ZNF331: variants seen among roughly 807,000 people sequenced by gnomAD.
ZNF331 encodes the protein C2H2-like zinc finger protein rearranged in thyroid adenomas.
A neutral mutation model predicts 7.0 loss-of-function variants in ZNF331; 2 were observed. That is an observed-to-expected ratio of 0.29 (90% confidence interval 0.12 to 0.90). The LOEUF is 0.90. Among genes scored for constraint, ZNF331 ranks in the 40% least tolerant of loss-of-function variants. The pLI is 0.58. For missense variants in ZNF331, 432 were observed against 587.7 expected (o/e 0.74, Z 2.74); for synonymous variants, 196 against 205.4 (o/e 0.95, Z 0.39).
chr19:53,520,019 C>T (rs1251831117), upstream of ZNF331, among the ~76,000 whole-genome samples: 2 of 151,932 alleles, frequency 1.3e-5, no homozygotes, highest in Admixed American at 6.6e-5. Context: ...TCCCAAATCA[C>T]AGCTTTTAAG....
At chr19:53,568,849 C>CT (rs537822108) in intron 3 of ZNF331, among the ~76,000 whole-genome samples, 1,292 of 76,898 alleles carry the variant, frequency 0.017, 26 homozygotes, top group African/African-American at 0.037. Flanking sequence ...CCATGATACT[C>CT]TTTTTTTTTT....
chr19:53,574,588 A>G (rs1266023808), intron 5 of ZNF331, among the ~76,000 whole-genome samples: 1 of 152,086 alleles, frequency 6.6e-6, no homozygotes, highest in Non-Finnish European at 1.5e-5. Context: ...ATCATTCCTG[A>G]AAGTGGGTTA....
At chr19:53,508,652 A>AAAT in the ZNF331 span, among the ~76,000 whole-genome samples, 9 of 152,086 alleles carry the variant, frequency 5.9e-5, no homozygotes, top group African/African-American at 2.2e-4. Context: ...TCTATTTCCA[A>AAAT]AATATGAGAT....
In ZNF331 at chr19:53,577,150, G is replaced by T; in HGVS notation, c.590G>T (p.Arg197Leu). The T allele has an allele frequency of 6.2e-7, 1 of 1,610,602 alleles. No individual in the cohort carries two copies. Residue 197 changes from arginine (R) to leucine (L), a missense_variant, in exon 6 of 6, where the codon CGA becomes CTA. Physicochemically the swap from Arg to Leu is moderately radical, Grantham distance 102. Around this residue, in one of 3 missense-constraint regions of ZNF331, gnomAD observed 312 missense variants for 448.6 expected, o/e 0.70. Transcript: ENST00000449416. The part of the protein sequence containing the change: ...YECKDCGKAF[R>L]WGSSLVIHKR... ...TGTAAAGACTGTGGGAAGGCTTTTC[G>T]ATGGGGCTCAAGCCTCGTTATTCAT...
At chr19:53,550,651 C>T (rs1337591127) in intron 2 of ZNF331, among the ~76,000 whole-genome samples, 3 of 148,998 alleles carry the variant, frequency 2.0e-5, no homozygotes, top group Non-Finnish European at 4.4e-5. Flanking sequence ...ATTCTCCTGC[C>T]TCAGCCTCCC....
rs2090782748 is a variant in ZNF331, at chr19:53,577,686, A to G, written c.1126A>G (p.Ile376Val). The change falls in exon 6 of 6, where the codon ATC becomes GTC. Residue 376 changes from isoleucine (I) to valine (V), a missense_variant. Physicochemically the swap from Ile to Val is conservative, Grantham distance 29 (BLOSUM62 3). This residue lies in a region of ZNF331 where 312 missense variants were observed against 448.6 expected (regional missense o/e 0.70). Transcript: ENST00000449416. ...CGYHLTQHER[I>V]HTGETPYKCK... ...CTATCACCTCACTCAGCACGAGAGAATCCACACAGGCGAAACCCCGTATAA... is the reference window on the plus strand; with the variant it reads ...CTATCACCTCACTCAGCACGAGAGAGTCCACACAGGCGAAACCCCGTATAA... The G allele has an allele frequency of 2.5e-6, 4 of 1,614,232 alleles. No individual in the cohort carries two copies. The highest frequency in any genetic ancestry group is 3.4e-6 in the Non-Finnish European group (4 of 1,180,044).
At chr19:53,506,207 C>T in the ZNF331 span, among the ~76,000 whole-genome samples, 35 of 134,326 alleles carry the variant, frequency 2.6e-4, no homozygotes, top group Middle Eastern at 4.0e-3. Flanking sequence ...TGGTGGCGGG[C>T]GCCTGTAATC....
chr19:53,527,244 A>G (rs992205095), intron 2 of ZNF331, among the ~76,000 whole-genome samples: 1 of 152,180 alleles, frequency 6.6e-6, no homozygotes, highest in African/African-American at 2.4e-5. Context: ...ACTCAAGGTA[A>G]AAAAATCAGA....
chr19:53,564,573 G>C (rs981027998), intron 3 of ZNF331, among the ~76,000 whole-genome samples: 1 of 152,184 alleles, frequency 6.6e-6, no homozygotes, highest in African/African-American at 2.4e-5. Context: ...GAGCCACTGT[G>C]CCCGGACTAT....
At chr19:53,506,523 T>A in the ZNF331 span, among the ~76,000 whole-genome samples, 329 of 149,318 alleles carry the variant, frequency 2.2e-3, 3 homozygotes, top group African/African-American at 6.6e-3. Flanking sequence ...TCTCTCTCTC[T>A]CACACACACT....
rs1001654925 is a variant in ZNF331 at position 53,560,714 on chromosome 19, G to A, written c.-74+4806G>A. Among the ~76,000 whole-genome samples the A allele has an allele frequency of 2.6e-5, 4 of 152,028 alleles. No homozygotes were observed. The highest frequency in any genetic ancestry group is 9.7e-5 in the African/African-American group (4 of 41,370). ...AGACGCCGCCCACACTCCTTAGTTCGTGACCCCTTCTTCCATCAGCAAAGC... is the reference window on the plus strand; with the variant it reads ...AGACGCCGCCCACACTCCTTAGTTCATGACCCCTTCTTCCATCAGCAAAGC... On this transcript the variant is annotated intron_variant, in intron 3 of 5. Coordinates refer to ENST00000449416, the MANE Select transcript of ZNF331 (RefSeq NM_001079906.2). This position sits in a 1 kb window ranked among gnomAD's most constrained non-coding sequence, Gnocchi z 4.3.
At chr19:53,509,202 C>G in the ZNF331 span, among the ~76,000 whole-genome samples, 1 of 152,148 alleles carries the variant, frequency 6.6e-6, no homozygotes, top group African/African-American at 2.4e-5. Context: ...GGAGTGTGCC[C>G]TTTCGGTACC....
upstream of ZNF331, among the ~76,000 whole-genome samples, chr19:53,533,438 G>A (rs2087618641): frequency 1.3e-5 from 2 of 152,192 alleles, no homozygotes; most frequent in African/African-American, 4.8e-5. Flanking sequence ...TCTTTCATGT[G>A]TGCTGGAGAA....
chr19:53,546,486 C>T (rs2088623891), intron 2 of ZNF331, among the ~76,000 whole-genome samples: 1 of 147,522 alleles, frequency 6.8e-6, no homozygotes, highest in African/African-American at 2.5e-5. Context: ...AAATTGTTGA[C>T]ATCCTGCTGT....
At chr19:53,522,050 C>T (rs1421809835) in exon 1 of ZNF331, 1 of 152,120 alleles carries the variant, frequency 6.6e-6, no homozygotes, top group East Asian at 1.9e-4. Flanking sequence ...GAGGAAGTAA[C>T]CTCAAGAATA....
chr19:53,507,232 C>A, the ZNF331 span, among the ~76,000 whole-genome samples: 1 of 152,016 alleles, frequency 6.6e-6, no homozygotes, highest in Admixed American at 6.6e-5. Flanking sequence ...TCCTAGTTGC[C>A]CTGACGCAAT....
In ZNF331 at chr19:53,569,343, C is replaced by G; in HGVS notation, c.-34C>G. ...AATTTGTCTTCTTCAGTGGAAACCC[C>G]GAGAAGACTGATCAGTTCTTCAGTT... is the stretch of plus-strand genomic sequence containing the variant. On this transcript the variant is annotated 5_prime_UTR_variant, in exon 4 of 6. Coordinates refer to ENST00000449416, the MANE Select transcript of ZNF331 (RefSeq NM_001079906.2). The G allele has an allele frequency of 1.2e-6, 2 of 1,613,222 alleles. No individual in the cohort carries two copies. Among genetic ancestry groups the G allele is most frequent in the Non-Finnish European group, 1.7e-6 (2 of 1,179,462 alleles).
intron 2 of ZNF331, among the ~76,000 whole-genome samples, chr19:53,524,087 A>G (rs1009202003): frequency 6.6e-6 from 1 of 152,204 alleles, no homozygotes; most frequent in African/African-American, 2.4e-5. Flanking sequence ...TGCAAAGGGC[A>G]TGAACTCATC....
chr19:53,515,684 A>C (rs8111236), upstream of ZNF331, among the ~76,000 whole-genome samples: 50,407 of 151,700 alleles, frequency 0.33, 8,520 homozygotes, highest in Middle Eastern at 0.42. Context: ...TTTAGTAGAG[A>C]CGGGGTTTCT....
Sources: gnomAD v4.1 joint callset for allele counts (sites outside exome capture counted in the v4.1 genomes callset) on GRCh38, gnomAD v4.1.1 for gene constraint, gnomAD v4.1.1 regional missense constraint, Gnocchi (gnomAD v3.1) non-coding constraint, MANE v1.5 for transcripts, NCBI Gene and HGNC (gene_info 2026-07-23, HGNC 2026-07-21) for gene names.